Variants in CMSS1 observed in about 807,000 individuals in gnomAD.
CMSS1 encodes the protein protein CMSS1.
A neutral mutation model predicts 43.5 loss-of-function variants in CMSS1; 33 were observed. The ratio of observed to expected loss-of-function variants is 0.76; its 90% CI spans 0.57 to 1.01. CMSS1 has a LOEUF of 1.01. Among genes scored for constraint, CMSS1 ranks in the 50% least tolerant of loss-of-function variants. The probability of loss-of-function intolerance (pLI) is 0.00; values close to 1 mark genes in which losing one functional copy is unlikely to be tolerated. For missense variants in CMSS1, 313 were observed against 326.4 expected (o/e 0.96, Z 0.32); for synonymous variants, 115 against 117.2 (o/e 0.98, Z 0.12).
rs912706220 is a variant in CMSS1 at position 100,032,760 on chromosome 3, C to T, written c.65-114213C>T. Reference sequence around the variant, plus strand: ...TGCTTTGTAGGTAACTCACTTATAACAATTGCATAAATGGTAATGCAGTTG... The same window carrying T: ...TGCTTTGTAGGTAACTCACTTATAATAATTGCATAAATGGTAATGCAGTTG... On this transcript the variant is annotated intron_variant, in intron 1 of 9. Coordinates refer to ENST00000421999, the MANE Select transcript of CMSS1 (RefSeq NM_032359.4). Among the ~76,000 whole-genome samples the T allele has an allele frequency of 3.9e-5, 6 of 152,228 alleles. No individual in the cohort carries two copies. In the East Asian group the frequency reaches 1.2e-3, roughly 29 times the overall value.
chr3:100,094,164 G>T (rs775021279), intron 1 of CMSS1, among the ~76,000 whole-genome samples: 2 of 152,042 alleles, frequency 1.3e-5, no homozygotes, highest in Non-Finnish European at 2.9e-5. Flanking sequence ...ATTTTCATTT[G>T]CATTTCCCTA....
At position 100,146,918 on chromosome 3, in the gene CMSS1, G is replaced by T. The variant is rs889540288; in HGVS notation, c.65-55G>T. On this transcript the variant is annotated intron_variant, in intron 1 of 9. Transcript: ENST00000421999. ...CTTCTAGAAAGATGGTACCAAGATT[G>T]CACTAGCAATGAGAGAGAGAGACTT... 7 of 1,571,272 alleles carry T rather than the reference G, an allele frequency of 4.5e-6. No homozygotes were observed. The Admixed American group carries it at 5.6e-5, about 13-fold the overall frequency.
At chr3:100,139,417 C>T (rs1019335277) in intron 1 of CMSS1, among the ~76,000 whole-genome samples, 25 of 148,348 alleles carry the variant, frequency 1.7e-4, no homozygotes, top group African/African-American at 5.7e-4. Flanking sequence ...CATGGTGGCT[C>T]ACACCTATAA....
intron 1 of CMSS1, among the ~76,000 whole-genome samples, chr3:100,002,492 C>T (rs1204399598): frequency 6.6e-6 from 1 of 152,174 alleles, no homozygotes; most frequent in Non-Finnish European, 1.5e-5. Flanking sequence ...ACAAGATTTG[C>T]ACACAGGTAC....
chr3:100,002,739 G>C (rs1469832082), intron 1 of CMSS1, among the ~76,000 whole-genome samples: 1 of 152,174 alleles, frequency 6.6e-6, no homozygotes, highest in Non-Finnish European at 1.5e-5. Flanking sequence ...GGAGTGACTT[G>C]TCCAAAATGA....
At chr3:99,851,103 T>C in intron 1 of CMSS1, 2 of 1,516,596 alleles carry the variant, frequency 1.3e-6, no homozygotes, top group Non-Finnish European at 1.8e-6. Context: ...TATTTTGTGA[T>C]TGATGCTTTA....
chr3:100,123,010 ATTATAT>A (rs2066634226), intron 1 of CMSS1, among the ~76,000 whole-genome samples: 1 of 152,148 alleles, frequency 6.6e-6, no homozygotes, highest in Non-Finnish European at 1.5e-5. Context: ...TACTGGGGAG[ATTATAT>A]TTAAAAAGCA....
chr3:100,088,672 T>G (rs1185458349), intron 1 of CMSS1, among the ~76,000 whole-genome samples: 1 of 152,138 alleles, frequency 6.6e-6, no homozygotes, highest in Non-Finnish European at 1.5e-5. Flanking sequence ...CTTCTTTTTC[T>G]CCTCATCACT....
chr3:100,054,402 G>A (rs1325744686), intron 1 of CMSS1, among the ~76,000 whole-genome samples: 2 of 152,172 alleles, frequency 1.3e-5, no homozygotes, highest in Non-Finnish European at 2.9e-5. Context: ...CAGAGCTGGG[G>A]AGTGGCTGTC....
intron 1 of CMSS1, among the ~76,000 whole-genome samples, chr3:100,129,410 G>C (rs1431543937): frequency 6.6e-6 from 1 of 152,056 alleles, no homozygotes; most frequent in Non-Finnish European, 1.5e-5. Context: ...AAAAATTTAG[G>C]TCCTTTTTTC....
intron 1 of CMSS1, among the ~76,000 whole-genome samples, chr3:99,966,142 A>AC (rs1163435338): frequency 2.6e-5 from 4 of 152,220 alleles, no homozygotes; most frequent in Admixed American, 2.0e-4. Flanking sequence ...AAGGTAAATA[A>AC]AATGTTCACA....
chr3:99,902,563 A>G (rs1212950884), intron 1 of CMSS1, among the ~76,000 whole-genome samples: 1 of 152,220 alleles, frequency 6.6e-6, no homozygotes, highest in Non-Finnish European at 1.5e-5. Flanking sequence ...AATTCAAACT[A>G]TATCTGAAAA....
intron 1 of CMSS1, among the ~76,000 whole-genome samples, chr3:99,932,514 C>T (rs1031727552): frequency 6.6e-6 from 1 of 151,964 alleles, no homozygotes; most frequent in Non-Finnish European, 1.5e-5. Context: ...AAAAATGCTA[C>T]TTCAAACATT....
intron 1 of CMSS1, among the ~76,000 whole-genome samples, chr3:99,901,103 T>G (rs1402844582): frequency 6.6e-6 from 1 of 152,254 alleles, no homozygotes; most frequent in Admixed American, 6.5e-5. Flanking sequence ...TATACAACAT[T>G]CTTTTAACTT....
intron 1 of CMSS1, among the ~76,000 whole-genome samples, chr3:99,960,611 T>A (rs1708462329): frequency 6.6e-6 from 1 of 152,206 alleles, no homozygotes; most frequent in African/African-American, 2.4e-5. Context: ...TACAGTCTTT[T>A]TACCTGCTTC....
chr3:99,820,289 T>G (rs560687496), intron 1 of CMSS1, among the ~76,000 whole-genome samples: 5 of 151,618 alleles, frequency 3.3e-5, no homozygotes, highest in South Asian at 4.2e-4. Flanking sequence ...CTCCACCTCC[T>G]GGGTTCAAGC....
rs200360666 is a variant in CMSS1, at chr3:100,160,483, G to A, written c.207G>A (p.Lys69=). Residue 69 remains lysine (K), a synonymous_variant, in exon 3 of 10, where the codon AAG becomes AAA. Coordinates refer to ENST00000421999, the MANE Select transcript of CMSS1 (RefSeq NM_032359.4). The part of the protein sequence containing the change: ...QPKERKENTT[K]TRKRRKKKIT... ...AGGAAAGAAAAGAGAATACCACCAA[G>A]ACCAGGAAAAGAAGAAAGGTAATAT... 4 of 1,507,458 alleles carry A rather than the reference G, an allele frequency of 2.7e-6. No individual in the cohort carries two copies. Among genetic ancestry groups the A allele is most frequent in the Non-Finnish European group, 2.8e-6 (3 of 1,088,098 alleles). The allele number at this position is 1,507,458 out of a possible 1,614,324, so 93.4% of individuals were successfully genotyped here.
intron 1 of CMSS1, among the ~76,000 whole-genome samples, chr3:99,993,799 C>T (rs1192499067): frequency 6.6e-6 from 1 of 152,088 alleles, no homozygotes; most frequent in Non-Finnish European, 1.5e-5. Context: ...TGTGTTGAAC[C>T]ATCCTTGCAT....
intron 1 of CMSS1, among the ~76,000 whole-genome samples, chr3:99,962,645 A>T (rs572532197): frequency 2.0e-5 from 3 of 152,340 alleles, no homozygotes; most frequent in Admixed American, 2.0e-4. Context: ...CAACAGCAAC[A>T]AACACATATA....
Sources: allele counts gnomAD v4.1 joint callset (sites outside exome capture counted in the v4.1 genomes callset), GRCh38; gene constraint gnomAD v4.1.1; transcripts MANE v1.5; gene names NCBI Gene and HGNC (gene_info 2026-07-23, HGNC 2026-07-21).